ASIP: variants seen among roughly 807,000 people sequenced by gnomAD.
ASIP encodes agouti signaling protein.
A neutral mutation model predicts 10.3 loss-of-function variants in ASIP; 11 were observed. The ratio of observed to expected loss-of-function variants is 1.07; its 90% CI spans 0.68 to 1.78. The LOEUF is 1.78. Ranked by LOEUF, ASIP falls within the 40% of genes most tolerant of loss-of-function variation. The pLI is 0.00. For synonymous variants in ASIP, 70 were observed against 70.8 expected (o/e 0.99, Z 0.06); for missense variants, 180 against 169.2 (o/e 1.06, Z -0.35).
chr20:34,251,582 G>C (rs2122633830), intron 1 of ASIP, among the ~76,000 whole-genome samples: 1 of 152,280 alleles, frequency 6.6e-6, no homozygotes, highest in South Asian at 2.1e-4. Context: ...CCTTCTCTGT[G>C]TAACTATTTA....
intron 1 of ASIP, chr20:34,216,023 C>G (rs2035005841): frequency 1.1e-5 from 7 of 661,838 alleles, no homozygotes; most frequent in Admixed American, 6.2e-5. Flanking sequence ...GCCAGCGGAA[C>G]GGAGCCGAGC....
upstream of ASIP, among the ~76,000 whole-genome samples, chr20:34,192,551 G>A (rs2034831109): frequency 7.0e-6 from 1 of 142,606 alleles, no homozygotes; most frequent in African/African-American, 2.7e-5. Flanking sequence ...ATGAGAGAAA[G>A]CCTGATCTCC....
At chr20:34,268,210 G>T (rs2035821344) in intron 3 of ASIP, among the ~76,000 whole-genome samples, 1 of 152,150 alleles carries the variant, frequency 6.6e-6, no homozygotes, top group Non-Finnish European at 1.5e-5. Flanking sequence ...TGTATCGAAG[G>T]TACAAAAACC....
rs755217642 is a variant in ASIP at position 34,233,143 on chromosome 20, C to CTTTT, written c.-10-27203_-10-27200dup. On this transcript the variant is annotated intron_variant, in intron 1 of 3. Transcript: ENST00000568305. Reference sequence around the variant, plus strand: ...GAGTCAACTGTGAATGGGACAAGAGCTTTTTTTTTTTTTTTTTTTTTTGAT... The same window carrying CTTTT: ...GAGTCAACTGTGAATGGGACAAGAGCTTTTTTTTTTTTTTTTTTTTTTTTTTGAT... Among the ~76,000 whole-genome samples the CTTTT allele has an allele frequency of 1.3e-3, 134 of 100,314 alleles. 7 individuals carry two copies. The highest frequency in any genetic ancestry group is 4.7e-3 in the African/African-American group (110 of 23,242). 65.8% of individuals were successfully genotyped at this position (100,314 alleles called of 152,430 possible).
In ASIP at chr20:34,218,171, G is replaced by A. The variant is rs1308748659; in HGVS notation, c.-11+23411G>A. On this transcript the variant is annotated intron_variant, in intron 1 of 3. Transcript: ENST00000568305. The stretch of plus-strand genomic sequence containing the variant: ...ATTTTTAGAAATATAAGTTCATTAA[G>A]ATTAACTTTGTTTTGGAAGATACGT... Among the ~76,000 whole-genome samples the A allele has an allele frequency of 2.0e-5, 3 of 152,324 alleles. No individual in the cohort carries two copies. The South Asian group carries it at 6.2e-4, about 32-fold the overall frequency.
At chr20:34,268,715 C>G (rs2035831947) in intron 3 of ASIP, among the ~76,000 whole-genome samples, 1 of 150,784 alleles carries the variant, frequency 6.6e-6, no homozygotes, top group South Asian at 2.1e-4. Flanking sequence ...GCCTGGCTGA[C>G]AGAGTGAAAC....
upstream of ASIP, among the ~76,000 whole-genome samples, chr20:34,241,239 G>A (rs1279986814): frequency 6.6e-6 from 1 of 152,186 alleles, no homozygotes; most frequent in Non-Finnish European, 1.5e-5. Context: ...TTTACCTTTT[G>A]CTTCTTTTGT....
chr20:34,258,294 GA>G (rs2035608399), intron 1 of ASIP, among the ~76,000 whole-genome samples: 1 of 151,280 alleles, frequency 6.6e-6, no homozygotes, highest in South Asian at 2.1e-4. Context: ...TAAAAGGCCA[GA>G]TAATAAATAT....
chr20:34,210,612 T>A (rs2122548648), intron 1 of ASIP, among the ~76,000 whole-genome samples: 1 of 152,120 alleles, frequency 6.6e-6, no homozygotes, highest in East Asian at 1.9e-4. Flanking sequence ...CCAGGCTGAG[T>A]GGGCAGAATA....
In ASIP at chr20:34,213,972, C is replaced by T; in HGVS notation, c.-11+19212C>T. 3.8e-6 allele frequency: 6 copies of T among 1,578,506 alleles called. No individual in the cohort carries two copies. The South Asian group carries it at 7.1e-5, about 19-fold the overall frequency. On this transcript the variant is annotated intron_variant, in intron 1 of 3. Coordinates refer to the ASIP transcript ENST00000568305. ...CTTGTGCCAGCATCAAATTTTCTAA[C>T]AGAATTTTAAACTTCTCCATTAGTG...
intron 1 of ASIP, among the ~76,000 whole-genome samples, chr20:34,249,478 C>G (rs974897947): frequency 7.2e-5 from 11 of 152,188 alleles, no homozygotes; most frequent in Non-Finnish European, 1.6e-4. Context: ...TTCATAACCA[C>G]TGTGTCATAT....
chr20:34,252,424 T>G (rs923591364), intron 1 of ASIP, among the ~76,000 whole-genome samples: 4 of 152,230 alleles, frequency 2.6e-5, no homozygotes, highest in Non-Finnish European at 4.4e-5. Context: ...TGCCTGGATG[T>G]GCACGTAGGC....
intron 1 of ASIP, chr20:34,214,478 T>G (rs1231591016): frequency 6.6e-7 from 1 of 1,514,266 alleles, no homozygotes; most frequent in Non-Finnish European, 9.2e-7. Context: ...CACCATGAGA[T>G]AGATACTGGA....
chr20:34,265,334 G>A lies in ASIP; in HGVS notation c.222+2441G>A, dbSNP rs1298207828. 4.6e-5 allele frequency among the ~76,000 whole-genome samples: 7 copies of A among 151,686 alleles called. No homozygotes were observed. In the East Asian group the frequency reaches 1.4e-3, roughly 30 times the overall value. On this transcript the variant is annotated intron_variant, in intron 3 of 3. Transcript: ENST00000374954. The stretch of plus-strand genomic sequence containing the variant: ...GTCCAGGAATTCAAGACCAGCCTGA[G>A]CAACATGATGAAACCTCATCTCTAC...
intron 1 of ASIP, among the ~76,000 whole-genome samples, chr20:34,231,522 T>A (rs1344365019): frequency 6.6e-6 from 1 of 152,182 alleles, no homozygotes; most frequent in Non-Finnish European, 1.5e-5. Context: ...ACAGAAACAT[T>A]AAATTGGGCT....
chr20:34,257,873 G>A (rs539781389), intron 1 of ASIP, among the ~76,000 whole-genome samples: 9 of 152,338 alleles, frequency 5.9e-5, no homozygotes, highest in African/African-American at 2.2e-4. Context: ...GCTGGGTGCG[G>A]TGGCTCACAC....
At chr20:34,203,382 G>A (rs950475866) in intron 1 of ASIP, among the ~76,000 whole-genome samples, 1 of 151,118 alleles carries the variant, frequency 6.6e-6, no homozygotes, top group Non-Finnish European at 1.5e-5. Context: ...TTTATAAGTG[G>A]CATATATATA....
At chr20:34,188,337 G>A in the ASIP span, among the ~76,000 whole-genome samples, 2 of 152,360 alleles carry the variant, frequency 1.3e-5, no homozygotes, top group Admixed American at 1.3e-4. Flanking sequence ...CTGGTGGTAT[G>A]TGAGATGGTT....
chr20:34,246,066 C>A, intron 1 of ASIP: 1 of 883,388 alleles, frequency 1.1e-6, no homozygotes, highest in Non-Finnish European at 1.9e-6. Context: ...TTTCATCCTC[C>A]CCATTACTGA....
Sources: allele counts gnomAD v4.1 joint callset (sites outside exome capture counted in the v4.1 genomes callset), GRCh38; gene constraint gnomAD v4.1.1; transcripts MANE v1.5; gene names NCBI Gene and HGNC (gene_info 2026-07-23, HGNC 2026-07-21).